The following TOP1 variants were observed in gnomAD, a reference collection of about 807,000 sequenced individuals.
TOP1 encodes the protein DNA topoisomerase 1.
A neutral mutation model predicts 111.1 loss-of-function variants in TOP1; 10 were observed. The ratio of observed to expected loss-of-function variants is 0.09; its 90% CI spans 0.06 to 0.15. The LOEUF (loss-of-function observed/expected upper bound fraction) is 0.15, where lower values mean the gene tolerates loss of function less well. Ranked by LOEUF, TOP1 falls within the 10% of genes least tolerant of loss-of-function variation. The probability of loss-of-function intolerance (pLI) is 1.00; values close to 1 mark genes in which losing one functional copy is unlikely to be tolerated. For synonymous variants in TOP1, 271 were observed against 302.9 expected (o/e 0.89, Z 1.10); for missense variants, 474 against 926.7 (o/e 0.51, Z 6.34).
At chr20:41,064,903 T>G (rs1243323422) in intron 3 of TOP1, among the ~76,000 whole-genome samples, 1 of 151,984 alleles carries the variant, frequency 6.6e-6, no homozygotes, top group Non-Finnish European at 1.5e-5. Flanking sequence ...GTTTTTTGTT[T>G]GTTTGTTTGT....
chr20:41,120,752 T>G (rs2034409328), intron 18 of TOP1, among the ~76,000 whole-genome samples: 1 of 152,102 alleles, frequency 6.6e-6, no homozygotes, highest in South Asian at 2.1e-4. Context: ...CTTCTCTCCT[T>G]TTTTTTTGAG....
chr20:41,103,254 T>C (rs1490657405), intron 13 of TOP1, among the ~76,000 whole-genome samples: 1 of 152,236 alleles, frequency 6.6e-6, no homozygotes, highest in East Asian at 1.9e-4. Flanking sequence ...CCACCATTTA[T>C]AGATGAGTAA....
intron 8 of TOP1, among the ~76,000 whole-genome samples, chr20:41,090,918 A>AT (rs1044043870): frequency 8.5e-5 from 13 of 152,130 alleles, no homozygotes; most frequent in Middle Eastern, 6.8e-3. Context: ...AGAGTTTTAT[A>AT]TTTTTGCTCT....
Position 41,092,971 on chromosome 20 carries a change from G to T in TOP1, c.730+384G>T, listed in dbSNP as rs141159075. Among the ~76,000 whole-genome samples the T allele has an allele frequency of 6.6e-6, 1 of 152,138 alleles. No homozygotes were observed. Among genetic ancestry groups the T allele is most frequent in the Non-Finnish European group, 1.5e-5 (1 of 67,992 alleles). On this transcript the variant is annotated intron_variant, in intron 9 of 20. Coordinates refer to ENST00000361337, the MANE Select transcript of TOP1 (RefSeq NM_003286.4). This position sits in a 1 kb window ranked among gnomAD's most constrained non-coding sequence, Gnocchi z 4.3. ...ATGTTAGCAATATAACAATGCAATC[G>T]GACAAGCTGCTCATCACTAGAAACA...
intron 13 of TOP1, among the ~76,000 whole-genome samples, chr20:41,107,857 T>G (rs531379077): frequency 2.6e-4 from 40 of 152,100 alleles, no homozygotes; most frequent in Non-Finnish European, 5.1e-4. Flanking sequence ...TTGGAGGGAG[T>G]CTCTTAGCCC....
At chr20:41,073,415 A>G in intron 3 of TOP1, 4 of 984,816 alleles carry the variant, frequency 4.1e-6, no homozygotes, top group Non-Finnish European at 4.8e-6. Context: ...AAGAAAAGAA[A>G]CAAGCAACCC....
Position 41,071,224 on chromosome 20 carries a change from G to A in TOP1, c.156-4947G>A, listed in dbSNP as rs750314293. ...GTTTCTCCCACTCTTCTATATAAGTGCCTTAGAGAAACTCTGGTCACCCTT... is the reference window on the plus strand; with the variant it reads ...GTTTCTCCCACTCTTCTATATAAGTACCTTAGAGAAACTCTGGTCACCCTT... On this transcript the variant is annotated intron_variant, in intron 3 of 20. Transcript: ENST00000361337. The surrounding 1 kb of genome is among the most constrained non-coding windows in gnomAD (Gnocchi z 4.3). 6.6e-6 allele frequency among the ~76,000 whole-genome samples: 1 copy of A among 152,106 alleles called. No individual in the cohort carries two copies. The highest frequency in any genetic ancestry group is 1.5e-5 in the Non-Finnish European group (1 of 68,022).
At chr20:41,107,206 T>C (rs2034160172) in intron 13 of TOP1, among the ~76,000 whole-genome samples, 1 of 152,200 alleles carries the variant, frequency 6.6e-6, no homozygotes, top group Non-Finnish European at 1.5e-5. Flanking sequence ...TATCCAGGGA[T>C]ATATATGTAT....
chr20:41,065,537 C>G (rs2033596593), intron 3 of TOP1, among the ~76,000 whole-genome samples: 1 of 152,196 alleles, frequency 6.6e-6, no homozygotes, highest in African/African-American at 2.4e-5. Flanking sequence ...TAAATAATAA[C>G]TTTTCATTCT....
intron 7 of TOP1, among the ~76,000 whole-genome samples, chr20:41,081,562 A>G (rs1336642450): frequency 6.6e-6 from 1 of 152,204 alleles, no homozygotes; most frequent in Non-Finnish European, 1.5e-5. Flanking sequence ...TTAACAAGAA[A>G]CCACATTTTG....
At chr20:41,065,946 T>A (rs1392506192) in intron 3 of TOP1, among the ~76,000 whole-genome samples, 1 of 152,118 alleles carries the variant, frequency 6.6e-6, no homozygotes, top group Non-Finnish European at 1.5e-5. Flanking sequence ...GTTTTTACTG[T>A]GCTAATTGAT....
intron 2 of TOP1, among the ~76,000 whole-genome samples, chr20:41,060,127 C>A (rs1341779175): frequency 1.3e-5 from 2 of 152,210 alleles, no homozygotes; most frequent in Non-Finnish European, 2.9e-5. Context: ...GTTAAACATA[C>A]ATTTTTTATA....
In TOP1 at chr20:41,030,284, C is replaced by G. The variant is rs1418887733; in HGVS notation, c.58+829C>G. ...CCAATGCAGTGTTTTTCTGGAAACG[C>G]AGTTTAGTGTACTTGTTGGAAGGAA... On this transcript the variant is annotated intron_variant, in intron 2 of 20. Coordinates refer to ENST00000361337, the MANE Select transcript of TOP1 (RefSeq NM_003286.4). The surrounding 1 kb of genome is among the most constrained non-coding windows in gnomAD (Gnocchi z 4.1). 6.6e-6 allele frequency among the ~76,000 whole-genome samples: 1 copy of G among 152,144 alleles called. No individual in the cohort carries two copies. The highest frequency in any genetic ancestry group is 1.5e-5 in the Non-Finnish European group (1 of 68,036).
chr20:41,058,974 A>G lies in TOP1; in HGVS notation c.59-2420A>G, dbSNP rs1046137584. Among the ~76,000 whole-genome samples the G allele has an allele frequency of 1.3e-5, 2 of 152,178 alleles. No homozygotes were observed. The highest frequency in any genetic ancestry group is 1.9e-4 in the East Asian group (1 of 5,202). ...AGAATGTGGCGCATGTACACCACGG[A>G]ATACTGTGCAGCCATAAGAAGAACG... On this transcript the variant is annotated intron_variant, in intron 2 of 20. Coordinates refer to ENST00000361337, the MANE Select transcript of TOP1 (RefSeq NM_003286.4). The surrounding 1 kb of genome is among the most constrained non-coding windows in gnomAD (Gnocchi z 4.2).
At chr20:41,087,890 A>G (rs1385056011) in intron 8 of TOP1, among the ~76,000 whole-genome samples, 2 of 150,342 alleles carry the variant, frequency 1.3e-5, no homozygotes, top group Non-Finnish European at 3.0e-5. Context: ...TCAAGCTGCC[A>G]AAGGGAAGCC....
chr20:41,039,991 A>T (rs935433005), intron 2 of TOP1, among the ~76,000 whole-genome samples: 22 of 152,240 alleles, frequency 1.4e-4, no homozygotes, highest in African/African-American at 5.3e-4. Context: ...TGTGTGAGAA[A>T]TCATGTGACA....
rs1221631791 is a variant in TOP1 at position 41,106,684 on chromosome 20, T to G, written c.1308+5331T>G. Among the ~76,000 whole-genome samples, 1 of 152,150 alleles carries G rather than the reference T, an allele frequency of 6.6e-6. No homozygotes were observed. Among genetic ancestry groups the G allele is most frequent in the Non-Finnish European group, 1.5e-5 (1 of 68,002 alleles). On this transcript the variant is annotated intron_variant, in intron 13 of 20. Transcript: ENST00000361337. The surrounding 1 kb of genome is among the most constrained non-coding windows in gnomAD (Gnocchi z 4.3). The stretch of plus-strand genomic sequence containing the variant: ...GAATGAGATTTTTTTCCATTATGTT[T>G]CTGTTGGTTATTCCTGAAGTGGTAA...
rs568091805 is a variant in TOP1 at position 41,100,930 on chromosome 20, G to A, written c.1164-279G>A. ...ATGGTATGTTGTATATATGGTTCACGCATCCCAGGTGGGACTACAAGAGAT... is the reference window on the plus strand; with the variant it reads ...ATGGTATGTTGTATATATGGTTCACACATCCCAGGTGGGACTACAAGAGAT... On this transcript the variant is annotated intron_variant, in intron 12 of 20. Coordinates refer to ENST00000361337, the MANE Select transcript of TOP1 (RefSeq NM_003286.4). The surrounding 1 kb of genome is among the most constrained non-coding windows in gnomAD (Gnocchi z 4.4). 2.5e-5 allele frequency: 10 copies of A among 404,010 alleles called. No individual in the cohort carries two copies. The highest frequency in any genetic ancestry group is 2.0e-5 in the African/African-American group (1 of 50,226). 25.0% of individuals were successfully genotyped at this position (404,010 alleles called of 1,614,324 possible).
At chr20:41,033,243 A>G (rs2033142722) in intron 2 of TOP1, among the ~76,000 whole-genome samples, 2 of 152,010 alleles carry the variant, frequency 1.3e-5, no homozygotes, top group South Asian at 2.1e-4. Flanking sequence ...TATAGCTAGC[A>G]GTAACGGTCA....
Sources: gnomAD v4.1 joint callset for allele counts (sites outside exome capture counted in the v4.1 genomes callset) on GRCh38, gnomAD v4.1.1 for gene constraint, Gnocchi (gnomAD v3.1) non-coding constraint, MANE v1.5 for transcripts, NCBI Gene and HGNC (gene_info 2026-07-23, HGNC 2026-07-21) for gene names.